Variants in CDK17 observed in about 807,000 individuals in gnomAD.
CDK17 encodes the protein cyclin-dependent kinase 17.
A neutral mutation model predicts 77.6 loss-of-function variants in CDK17; 24 were observed. The ratio of observed to expected loss-of-function variants is 0.31; its 90% confidence interval spans 0.22 to 0.44. The LOEUF (loss-of-function observed/expected upper bound fraction) is 0.44, where lower values mean the gene tolerates loss of function less well. Ranked by LOEUF, CDK17 falls within the 20% of genes least tolerant of loss-of-function variation. The pLI is 1.00. For synonymous variants in CDK17, 203 were observed against 210.4 expected (o/e 0.96, Z 0.30); for missense variants, 429 against 622.5 (o/e 0.69, Z 3.31).
chr12:96,281,511 G>C (rs1377759458), intron 15 of CDK17, among the ~76,000 whole-genome samples: 1 of 152,196 alleles, frequency 6.6e-6, no homozygotes. Context: ...TGGGATTACA[G>C]GTACGCGCCA....
At position 96,370,023 on chromosome 12, in the gene CDK17, G is replaced by A. The variant is rs182837914; in HGVS notation, c.-30+29963C>T. On this transcript the variant is annotated intron_variant, in intron 1 of 16. Coordinates refer to ENST00000261211, the MANE Select transcript of CDK17 (RefSeq NM_002595.5). The stretch of plus-strand genomic sequence containing the variant: ...GAAGGAACTGGCTCTAAGAAGCCGC[G>A]AGTGTAAGAGCTGGACAGAAGGAAA... Among the ~76,000 whole-genome samples, 237 of 152,256 alleles carry A rather than the reference G, an allele frequency of 1.6e-3. 1 individual carries two copies. The highest frequency in any genetic ancestry group is 5.4e-3 in the African/African-American group (224 of 41,552).
Position 96,370,222 on chromosome 12 carries a change from T to C in CDK17, c.-30+29764A>G, listed in dbSNP as rs149407242. ...ACTCCTACTAACAGCAAGATTTGAT[T>C]AGCAACTGTATATTGCTTTAATTTA... On this transcript the variant is annotated intron_variant, in intron 1 of 16. Coordinates refer to ENST00000261211, the MANE Select transcript of CDK17 (RefSeq NM_002595.5). Among the ~76,000 whole-genome samples, 45 of 152,358 alleles carry C rather than the reference T, an allele frequency of 3.0e-4. 1 individual carries two copies. Among genetic ancestry groups the C allele is most frequent in the Non-Finnish European group, 5.9e-4 (40 of 68,034 alleles).
chr12:96,354,381 C>T (rs1953363427), intron 1 of CDK17, among the ~76,000 whole-genome samples: 1 of 152,200 alleles, frequency 6.6e-6, no homozygotes, highest in Admixed American at 6.5e-5. Flanking sequence ...ATCTCTACTC[C>T]TTCAAACTCT....
chr12:96,366,423 T>G (rs1487004605), intron 1 of CDK17, among the ~76,000 whole-genome samples: 4 of 152,176 alleles, frequency 2.6e-5, no homozygotes, highest in Admixed American at 2.6e-4. Flanking sequence ...GTATAATAAA[T>G]CACAGCCGCT....
rs377051483 is a variant in CDK17 at position 96,316,743 on chromosome 12, G to A, written c.284-3289C>T. Reference sequence around the variant, plus strand: ...GTATTCCAACAGACCTGCAGCTGAGGGTCCTGTCTGTTAGAAGGAAAACTA... The same window carrying A: ...GTATTCCAACAGACCTGCAGCTGAGAGTCCTGTCTGTTAGAAGGAAAACTA... On this transcript the variant is annotated intron_variant, in intron 3 of 16. Coordinates refer to ENST00000261211, the MANE Select transcript of CDK17 (RefSeq NM_002595.5). 5.3e-3 allele frequency among the ~76,000 whole-genome samples: 665 copies of A among 125,436 alleles called. 19 individuals are homozygous for A. The highest frequency in any genetic ancestry group is 0.019 in the African/African-American group (628 of 33,380). The allele number at this position is 125,436 out of a possible 152,430, so 82.3% of individuals were successfully genotyped here.
At chr12:96,299,061 T>C in intron 6 of CDK17, 78 bp from the exon 7 acceptor site, 1 of 659,870 alleles carries the variant, frequency 1.5e-6, no homozygotes, top group Non-Finnish European at 2.5e-6. Context: ...TAAAGAGCTC[T>C]ACCTGAATTT....
intron 2 of CDK17, among the ~76,000 whole-genome samples, chr12:96,328,618 G>C (rs569944217): frequency 2.6e-4 from 40 of 152,278 alleles, no homozygotes; most frequent in African/African-American, 9.6e-4. Context: ...TTTAGTTTTA[G>C]TAACTGGTTA....
intron 1 of CDK17, among the ~76,000 whole-genome samples, chr12:96,341,021 T>TC (rs1473959953): frequency 1.3e-5 from 2 of 152,136 alleles, no homozygotes; most frequent in Non-Finnish European, 2.9e-5. Context: ...GGCCCCGGTG[T>TC]CTGTTGATCC....
At chr12:96,313,273 T>C (rs746011403) in intron 4 of CDK17, 48 bp downstream of exon 4, 14 of 1,479,494 alleles carry the variant, frequency 9.5e-6, no homozygotes, top group African/African-American at 2.9e-5. Context: ...TATTAACATA[T>C]ACCAACACAC....
At chr12:96,394,331 A>T (rs1954129930) in intron 1 of CDK17, among the ~76,000 whole-genome samples, 1 of 152,208 alleles carries the variant, frequency 6.6e-6, no homozygotes, top group East Asian at 1.9e-4. Context: ...AACATTACCC[A>T]TCAATTATAA....
At chr12:96,336,838 A>AC (rs1421113555) in intron 1 of CDK17, among the ~76,000 whole-genome samples, 13 of 152,294 alleles carry the variant, frequency 8.5e-5, no homozygotes, top group South Asian at 6.2e-4. Flanking sequence ...GAAATTCTCC[A>AC]CCTCAGCATC....
At chr12:96,336,391 T>C (rs1953041273) in intron 1 of CDK17, among the ~76,000 whole-genome samples, 1 of 152,094 alleles carries the variant, frequency 6.6e-6, no homozygotes, top group Non-Finnish European at 1.5e-5. Context: ...TTTGAGCCCA[T>C]GAATTTGAGG....
At chr12:96,388,058 T>C (rs756795564) in intron 1 of CDK17, among the ~76,000 whole-genome samples, 1 of 150,042 alleles carries the variant, frequency 6.7e-6, no homozygotes, top group Non-Finnish European at 1.5e-5. Context: ...TTACTTGAGC[T>C]CAGGAGTTGG....
chr12:96,376,779 T>C (rs193167080), intron 1 of CDK17, among the ~76,000 whole-genome samples: 38 of 152,172 alleles, frequency 2.5e-4, no homozygotes, highest in African/African-American at 7.7e-4. Flanking sequence ...ATAAAACCAG[T>C]AGGAGTTCTA....
intron 1 of CDK17, among the ~76,000 whole-genome samples, chr12:96,343,715 C>T (rs1953157559): frequency 6.6e-6 from 1 of 152,178 alleles, no homozygotes; most frequent in South Asian, 2.1e-4. Flanking sequence ...GGGATGACAA[C>T]AGCCTTCAAC....
At chr12:96,348,037 T>A (rs143898752) in intron 1 of CDK17, among the ~76,000 whole-genome samples, 34 of 152,174 alleles carry the variant, frequency 2.2e-4, no homozygotes, top group African/African-American at 7.7e-4. Flanking sequence ...GCATATGAGA[T>A]GTAGCTAAAG....
At chr12:96,343,918 C>T (rs1953160255) in intron 1 of CDK17, among the ~76,000 whole-genome samples, 1 of 152,180 alleles carries the variant, frequency 6.6e-6, no homozygotes. Flanking sequence ...GTTAAATCAA[C>T]TGTCCTAAAT....
chr12:96,380,537 C>T (rs1953863272), intron 1 of CDK17, among the ~76,000 whole-genome samples: 1 of 152,148 alleles, frequency 6.6e-6, no homozygotes, highest in African/African-American at 2.4e-5. Context: ...GATCCACCCG[C>T]CTCAGCCTCC....
chr12:96,358,370 T>TA (rs35899533), intron 1 of CDK17, among the ~76,000 whole-genome samples: 4,315 of 35,116 alleles, frequency 0.12, 445 homozygotes, highest in East Asian at 0.18. Flanking sequence ...TGCAAACTTG[T>TA]AAAAAAAAAA....
Sources: gnomAD v4.1 joint callset for allele counts (sites outside exome capture counted in the v4.1 genomes callset) on GRCh38, gnomAD v4.1.1 for gene constraint, MANE v1.5 for transcripts, NCBI Gene and HGNC (gene_info 2026-07-23, HGNC 2026-07-21) for gene names.